Variants in CLEC2A observed in about 807,000 individuals in gnomAD.
The protein encoded by CLEC2A is keratinocyte-associated C-type lectin.
Under a neutral mutation model 18.6 loss-of-function variants are expected in CLEC2A, and 19 were observed. The ratio of observed to expected loss-of-function variants is 1.02; its 90% CI spans 0.71 to 1.50. CLEC2A has a LOEUF of 1.50. CLEC2A is among the 40% of genes most tolerant of loss of function. The pLI is 0.00. For missense variants in CLEC2A, 190 were observed against 207.9 expected, an observed-to-expected ratio of 0.91 and a Z score of 0.53; for synonymous variants, 74 against 64.0, an observed-to-expected ratio of 1.16 and a Z score of -0.75.
chr12:9,903,001 T>C (rs1382882697), intron 4 of CLEC2A, among the ~76,000 whole-genome samples: 3 of 152,228 alleles, frequency 2.0e-5, no homozygotes, highest in Non-Finnish European at 2.9e-5. Flanking sequence ...AGGAAAGGAA[T>C]GTAGAGTGAG....
chr12:9,918,930 C>A (rs1488315805), intron 3 of CLEC2A, among the ~76,000 whole-genome samples: 1 of 152,120 alleles, frequency 6.6e-6, no homozygotes, highest in African/African-American at 2.4e-5. Flanking sequence ...AAGGTGACTT[C>A]TTTAATTTTA....
At chr12:9,928,338 G>C (rs1222271658) in intron 1 of CLEC2A, among the ~76,000 whole-genome samples, 14 of 151,994 alleles carry the variant, frequency 9.2e-5, no homozygotes, top group Admixed American at 9.2e-4. Context: ...ATGATGGCAG[G>C]CACCTGTAAT....
intron 1 of CLEC2A, among the ~76,000 whole-genome samples, chr12:9,927,891 C>T (rs534913838): frequency 6.6e-6 from 1 of 151,374 alleles, no homozygotes; most frequent in African/African-American, 2.4e-5. Flanking sequence ...AGATAAAAAC[C>T]ACTGCACAAA....
the CLEC2A span, among the ~76,000 whole-genome samples, chr12:9,892,742 G>A: frequency 6.6e-6 from 1 of 151,642 alleles, no homozygotes; most frequent in Admixed American, 6.6e-5. Context: ...GGGCCACCAT[G>A]CCTGGCTAAT....
At chr12:9,925,936 A>G (rs1004892988) in intron 2 of CLEC2A, among the ~76,000 whole-genome samples, 1 of 152,178 alleles carries the variant, frequency 6.6e-6, no homozygotes, top group Non-Finnish European at 1.5e-5. Flanking sequence ...TGCCCTGAGC[A>G]ATGGGACCTA....
intron 4 of CLEC2A, among the ~76,000 whole-genome samples, chr12:9,914,316 C>T (rs1863034472): frequency 6.6e-6 from 1 of 152,022 alleles, no homozygotes; most frequent in African/African-American, 2.4e-5. Flanking sequence ...CAATGCAATA[C>T]CCATCAAACT....
intron 2 of CLEC2A, among the ~76,000 whole-genome samples, chr12:9,922,460 T>C (rs146440463): frequency 6.6e-6 from 1 of 152,310 alleles, no homozygotes; most frequent in South Asian, 2.1e-4. Context: ...TTTTGAGAAA[T>C]GGAACCACTA....
At chr12:9,901,801 A>G (rs1022622858) in intron 4 of CLEC2A, among the ~76,000 whole-genome samples, 5 of 152,242 alleles carry the variant, frequency 3.3e-5, no homozygotes, top group African/African-American at 1.2e-4. Context: ...AATTTTAAAG[A>G]AGCAAAAACC....
intron 1 of CLEC2A, among the ~76,000 whole-genome samples, chr12:9,931,268 G>T (rs1863370969): frequency 6.6e-6 from 1 of 152,098 alleles, no homozygotes; most frequent in Non-Finnish European, 1.5e-5. Flanking sequence ...TAATACTAAT[G>T]TCCAATTGTG....
rs73048817 is a variant in CLEC2A at position 9,907,526 on chromosome 12, C to T, written c.411-8550G>A. Among the ~76,000 whole-genome samples, 152 of 152,058 alleles carry T rather than the reference C, an allele frequency of 1.0e-3. 2 individuals carry two copies. The highest frequency in any genetic ancestry group is 3.4e-3 in the Middle Eastern group (1 of 294). On this transcript the variant is annotated intron_variant, in intron 4 of 4. Transcript: ENST00000339766. ...CATTTGCCTTTACTTATTAAGTGCC[C>T]TAAATATGTAACTTCACGTTCTACA... is the stretch of plus-strand genomic sequence containing the variant.
chr12:9,920,298 T>C (rs1406828117), intron 3 of CLEC2A, among the ~76,000 whole-genome samples: 2 of 152,202 alleles, frequency 1.3e-5, no homozygotes, highest in Non-Finnish European at 2.9e-5. Context: ...CTGGAACTCC[T>C]GGCTATCTGA....
At chr12:9,902,714 C>A (rs1862850761) in intron 4 of CLEC2A, among the ~76,000 whole-genome samples, 1 of 151,846 alleles carries the variant, frequency 6.6e-6, no homozygotes, top group Non-Finnish European at 1.5e-5. Flanking sequence ...CAAAGGATTT[C>A]TCAGCAAGGC....
At chr12:9,885,638 C>T in the CLEC2A span, among the ~76,000 whole-genome samples, 1 of 151,826 alleles carries the variant, frequency 6.6e-6, no homozygotes, top group Admixed American at 6.6e-5. Context: ...ATAAAGGATC[C>T]ATATTTGTAT....
intron 1 of CLEC2A, among the ~76,000 whole-genome samples, chr12:9,927,780 A>T (rs1863300336): frequency 6.6e-6 from 1 of 152,196 alleles, no homozygotes; most frequent in South Asian, 2.1e-4. Flanking sequence ...AGAGTTTGGT[A>T]ATTTATCTTA....
chr12:9,897,626 G>T (rs1237504098), downstream of CLEC2A, among the ~76,000 whole-genome samples: 1 of 150,240 alleles, frequency 6.7e-6, no homozygotes, highest in East Asian at 2.0e-4. Context: ...AATACCAGGC[G>T]ATCACACACA....
At position 9,929,094 on chromosome 12, in the gene CLEC2A, G is replaced by C. The variant is rs918673736; in HGVS notation, c.56-2751C>G. ...ACTTCTAGTATACAGAAATAGTATT[G>C]ATTTGTTAAATGTGCTCTTTTAAGT... On this transcript the variant is annotated intron_variant, in intron 1 of 4. Coordinates refer to ENST00000455827, the MANE Select transcript of CLEC2A (RefSeq NM_001130711.2). 9.2e-5 allele frequency among the ~76,000 whole-genome samples: 14 copies of C among 151,972 alleles called. No individual in the cohort carries two copies. In the South Asian group the frequency reaches 1.0e-3, roughly 11 times the overall value.
the CLEC2A span, among the ~76,000 whole-genome samples, chr12:9,889,303 G>T: frequency 7.9e-5 from 12 of 152,250 alleles, no homozygotes; most frequent in African/African-American, 2.9e-4. Flanking sequence ...TGTCAACTTG[G>T]CTAGGCCACC....
intron 1 of CLEC2A, 77 bp from the exon 2 acceptor site, chr12:9,926,420 C>A: frequency 1.2e-6 from 1 of 862,134 alleles, no homozygotes; most frequent in South Asian, 1.5e-5. Flanking sequence ...GTATTCCTCT[C>A]CTATAATTGT....
the CLEC2A span, chr12:9,881,409 A>G: frequency 1.9e-6 from 1 of 530,014 alleles, no homozygotes; most frequent in Non-Finnish European, 3.3e-6. Context: ...GCTTATATCC[A>G]TTTTCATTTA....
Sources: gnomAD v4.1 joint callset for allele counts (sites outside exome capture counted in the v4.1 genomes callset) on GRCh38, gnomAD v4.1.1 for gene constraint, MANE v1.5 for transcripts, NCBI Gene and HGNC (gene_info 2026-07-23, HGNC 2026-07-21) for gene names.